F8: variants seen among roughly 807,000 people sequenced by gnomAD.
The protein encoded by F8 is coagulation factor VIII.
In F8, 12 loss-of-function variants were observed where a neutral mutation model predicts 140.6. The ratio of observed to expected loss-of-function variants is 0.09; its 90% CI spans 0.05 to 0.14. The LOEUF (loss-of-function observed/expected upper bound fraction) is 0.14, where lower values mean the gene tolerates loss of function less well. F8 is among the 10% of genes least tolerant of loss of function. The pLI is 1.00. For missense variants in F8, 1,354 were observed against 1,720.7 expected, an observed-to-expected ratio of 0.79 and a Z score of 3.77; for synonymous variants, 585 against 614.6, an observed-to-expected ratio of 0.95 and a Z score of 0.71.
chrX:154,944,593 A>C (rs1305576376), intron 13 of F8, among the ~76,000 whole-genome samples: 3 of 111,051 alleles, frequency 2.7e-5, no homozygotes, highest in Non-Finnish European at 3.8e-5. Flanking sequence ...TAGTTCAACC[A>C]TTGTGGAAGT....
intron 6 of F8, among the ~76,000 whole-genome samples, chrX:154,973,912 T>C (rs782408679): frequency 1.7e-4 from 19 of 111,712 alleles, no homozygotes; most frequent in Non-Finnish European, 3.2e-4. Flanking sequence ...TTCTCCTGCT[T>C]CAGCCTCTCG....
At position 154,863,243 on chromosome X, in the gene F8, A is replaced by C. The variant is rs200792806; in HGVS notation, c.6430-16T>G. On this transcript the variant is annotated splice_polypyrimidine_tract_variant and intron_variant, in intron 22 of 25. Transcript: ENST00000360256. ...CAAAGAAGACCTGTATGGAGAGATT[A>C]GCACAAATACATGGAAAGTGAATAC... 1 of 1,200,565 alleles carries C rather than the reference A, an allele frequency of 8.3e-7. No homozygotes were observed.
chrX:154,902,099 C>T lies in F8; in HGVS notation c.6067G>A (p.Glu2023Lys), dbSNP rs781886601. 14 of 1,209,233 alleles carry T rather than the reference C, an allele frequency of 1.2e-5. No homozygotes were observed. Among genetic ancestry groups the T allele is most frequent in the Admixed American group, 1.1e-4 (5 of 45,776 alleles). The change falls in exon 19 of 26, where the codon GAG becomes AAG. Residue 2023 changes from glutamate (E) to lysine (K), a missense_variant. Glu to Lys is a moderately conservative substitution (Grantham distance 56). This residue lies in a region of F8 where 316 missense variants were observed against 485.4 expected (regional missense o/e 0.65). Transcript: ENST00000360256. ...GTGCTCATCCCAGCATGTAGATGCT[C>T]GCCAATAAGGCATTCCACCCGCCAA... Reference protein sequence around the residue: ...GIWRVECLIGEHLHAGMSTLF... With the variant: ...GIWRVECLIGKHLHAGMSTLF...
chrX:154,924,952 AAAC>A (rs1466189548), intron 14 of F8, among the ~76,000 whole-genome samples: 4 of 112,053 alleles, frequency 3.6e-5, no homozygotes, highest in African/African-American at 1.3e-4. Flanking sequence ...CCAGCCCATG[AAAC>A]AACTTTTTCC....
At chrX:154,969,573 A>G in intron 6 of F8, 21 bp from the exon 7 acceptor site, 1 of 1,152,731 alleles carries the variant, frequency 8.7e-7, no homozygotes, top group Non-Finnish European at 1.2e-6. Context: ...GGAATAAGAC[A>G]CCTATGGCTA....
chrX:154,864,480 AGAAATGGAGATTCAT>A (rs1225925804), intron 22 of F8, among the ~76,000 whole-genome samples: 1 of 112,773 alleles, frequency 8.9e-6, no homozygotes, highest in Non-Finnish European at 1.9e-5. Flanking sequence ...CCAACCCTGA[AGAAATGGAGATTCAT>A]GAAATTTTTG....
intron 6 of F8, among the ~76,000 whole-genome samples, chrX:154,981,019 C>T (rs1557283490): frequency 8.9e-6 from 1 of 111,957 alleles, no homozygotes; most frequent in Non-Finnish European, 1.9e-5. Flanking sequence ...GAGAGGGCGC[C>T]CTGAGCCCAG....
At chrX:154,940,349 C>T (rs917648529) in intron 13 of F8, among the ~76,000 whole-genome samples, 2 of 111,963 alleles carry the variant, frequency 1.8e-5, no homozygotes, top group South Asian at 3.7e-4. Flanking sequence ...AACCACGGCA[C>T]GAGAACTATG....
At position 154,903,895 on chromosome X, in the gene F8, C is replaced by T. The variant is rs997759162; in HGVS notation, c.5998+11G>A. 8.3e-7 allele frequency: 1 copy of T among 1,203,836 alleles called. No homozygotes were observed. The highest frequency in any genetic ancestry group is 1.7e-5 in the African/African-American group (1 of 57,634). The stretch of plus-strand genomic sequence containing the variant: ...GAGTAGGTAGAAGAAAGAGCACAAA[C>T]AAGCTCATACCTGGATAGAGATTGT... On this transcript the variant is annotated intron_variant, in intron 18 of 25. Coordinates refer to ENST00000360256, the MANE Select transcript of F8 (RefSeq NM_000132.4).
At chrX:154,999,148 T>C (rs782422733) in intron 2 of F8, among the ~76,000 whole-genome samples, 2 of 110,959 alleles carry the variant, frequency 1.8e-5, no homozygotes, top group South Asian at 3.8e-4. Context: ...TCTAAATCGA[T>C]AGGCTGATAT....
Position 154,930,443 on chromosome X carries a change from A to G in F8, c.3347T>C (p.Phe1116Ser). 1 of 1,211,171 alleles carries G rather than the reference A, an allele frequency of 8.3e-7. No homozygotes were observed. Among genetic ancestry groups the G allele is most frequent in the South Asian group, 1.8e-5 (1 of 56,939 alleles). Residue 1116 changes from phenylalanine to serine, a missense_variant, in exon 14 of 26, where the codon TTT becomes TCT. Phe to Ser is a radical substitution (Grantham distance 155). This residue lies in a region of F8 where 658 missense variants were observed against 666.5 expected (regional missense o/e 0.99). Coordinates refer to ENST00000360256, the MANE Select transcript of F8 (RefSeq NM_000132.4). ...TGATTCTGGCAAGAATAGCATCTTAAAGAACGACATATCTGGATTTTGTGC... is the reference window on the plus strand; with the variant it reads ...TGATTCTGGCAAGAATAGCATCTTAGAGAACGACATATCTGGATTTTGTGC... ...PDAQNPDMSF[F>S]KMLFLPESAR...
chrX:154,905,189 A>G (rs1238713431), intron 15 of F8, among the ~76,000 whole-genome samples, 166 bp from the exon 16 acceptor site: 3 of 111,534 alleles, frequency 2.7e-5, no homozygotes, highest in African/African-American at 9.8e-5. Flanking sequence ...TAGAACTCAA[A>G]CCTAATCCTG....
At position 154,839,739 on chromosome X, in the gene F8, C is replaced by T. The variant is rs782032392; in HGVS notation, c.6901-1987G>A. 1.5e-3 allele frequency among the ~76,000 whole-genome samples: 165 copies of T among 111,635 alleles called. 4 individuals are homozygous for T. In the South Asian group the frequency reaches 0.04, roughly 27 times the overall value. ...TCCTTTGTAGCATTCAGTATCTTTT[C>T]CTTTATCTCTTTACATGCTTATTGA... On this transcript the variant is annotated intron_variant, in intron 25 of 25. Coordinates refer to ENST00000360256, the MANE Select transcript of F8 (RefSeq NM_000132.4).
intron 14 of F8, 130 bp from the exon 15 acceptor site, chrX:154,906,703 C>T (rs1037509535): frequency 1.3e-4 from 75 of 592,590 alleles, no homozygotes; most frequent in Non-Finnish European, 1.9e-4. Flanking sequence ...CCTTGAAATA[C>T]TCTTGCCAAG....
intron 9 of F8, among the ~76,000 whole-genome samples, chrX:154,963,927 G>A (rs1182097031): frequency 3.6e-5 from 4 of 109,940 alleles, no homozygotes; most frequent in African/African-American, 1.0e-4. Flanking sequence ...TGCAACCTCC[G>A]CCTCCCAGAT....
chrX:154,863,000 C>A (rs2072704958), intron 23 of F8, 83 bp downstream of exon 23: 7 of 1,071,981 alleles, frequency 6.5e-6, no homozygotes, highest in Admixed American at 2.2e-5. Context: ...GGGAACCCCT[C>A]CCCCAGTCTC....
Position 154,917,742 on chromosome X carries a change from G to A in F8, c.5219+10829C>T, listed in dbSNP as rs1385978706. On this transcript the variant is annotated intron_variant, in intron 14 of 25. Transcript: ENST00000360256. ...ACTTTCCAGTGCATTTTTTTTTTCC[G>A]TTCAGTTGTATTTCTCAGCTCCAGC... is the stretch of plus-strand genomic sequence containing the variant. Among the ~76,000 whole-genome samples the A allele has an allele frequency of 9.1e-5, 10 of 109,329 alleles. No homozygotes were observed. In the South Asian group the frequency reaches 2.6e-3, roughly 29 times the overall value. The allele number at this position is 109,329 out of a possible 115,157, so 94.9% of individuals were successfully genotyped here.
At chrX:155,015,420 G>T (rs782803975) in intron 1 of F8, among the ~76,000 whole-genome samples, 1 of 111,873 alleles carries the variant, frequency 8.9e-6, no homozygotes, top group African/African-American at 3.2e-5. Flanking sequence ...GCAAGCCATA[G>T]ATTGGAAAAA....
intron 14 of F8, among the ~76,000 whole-genome samples, chrX:154,917,006 A>C (rs782420194): frequency 1.8e-5 from 2 of 110,828 alleles, no homozygotes; most frequent in East Asian, 2.8e-4. Flanking sequence ...TGTTTCAATA[A>C]ATTTCCTTCT....
Sources: allele counts gnomAD v4.1 joint callset (sites outside exome capture counted in the v4.1 genomes callset), GRCh38; gene constraint gnomAD v4.1.1; regional missense constraint gnomAD v4.1.1; transcripts MANE v1.5; gene names NCBI Gene and HGNC (gene_info 2026-07-23, HGNC 2026-07-21).